The following ARFGAP3 variants were observed in gnomAD, a reference collection of about 807,000 sequenced individuals.
ARFGAP3 encodes the protein ARF GTPase activating protein 3, also known as ADP-ribosylation factor GTPase-activating protein 3.
In ARFGAP3, 72 loss-of-function variants were observed where a neutral mutation model predicts 75.0. The observed-to-expected ratio is 0.96, with a 90% CI of 0.79 to 1.17. The LOEUF (loss-of-function observed/expected upper bound fraction) is 1.17, where lower values mean the gene tolerates loss of function less well. Among genes scored for constraint, ARFGAP3 ranks in the 50% most tolerant of loss-of-function variants. ARFGAP3 has a pLI of 0.00. For missense variants in ARFGAP3, 620 were observed against 626.6 expected, an observed-to-expected ratio of 0.99 and a Z score of 0.11; for synonymous variants, 221 against 217.9, an observed-to-expected ratio of 1.01 and a Z score of -0.13.
intron 7 of ARFGAP3, among the ~76,000 whole-genome samples, chr22:42,825,170 A>G (rs113183540): frequency 0.049 from 7,396 of 152,270 alleles, 288 homozygotes; most frequent in African/African-American, 0.11. Flanking sequence ...AGGCTGAGGT[A>G]GGAGAATCTC....
rs899641878 is a variant in ARFGAP3, at chr22:42,847,597, C to T, written c.105G>A (p.Trp35Ter). 6.2e-7 allele frequency: 1 copy of T among 1,612,664 alleles called. No individual in the cohort carries two copies. The highest frequency in any genetic ancestry group is 8.5e-7 in the Non-Finnish European group (1 of 1,179,458). The part of the protein sequence containing the change: ...CFDCGAKNPS[W>*]ASITYGVFLC... ...GGAACACTCCATAGGTTATGCTTGC[C>T]CAGCTGGGATTTTTGGCACCACAAT... The change falls in exon 2 of 16, where the codon TGG (tryptophan) becomes TGA (stop). Residue 35 changes from tryptophan (W) to a stop codon, truncating the protein, a stop_gained. Coordinates refer to ENST00000263245, the MANE Select transcript of ARFGAP3 (RefSeq NM_014570.5). LOFTEE classifies it high-confidence loss of function.
intron 14 of ARFGAP3, among the ~76,000 whole-genome samples, chr22:42,805,977 C>T (rs1490314638): frequency 6.6e-6 from 1 of 152,254 alleles, no homozygotes; most frequent in Non-Finnish European, 1.5e-5. Context: ...GTCTCTATAA[C>T]ATCCCCAAAC....
At chr22:42,855,325 C>G (rs1001308527) in intron 1 of ARFGAP3, among the ~76,000 whole-genome samples, 1 of 152,228 alleles carries the variant, frequency 6.6e-6, no homozygotes, top group Non-Finnish European at 1.5e-5. Context: ...TTACACATTG[C>G]TAACCGCAGA....
chr22:42,828,556 CA>C (rs796782607), intron 6 of ARFGAP3, among the ~76,000 whole-genome samples: 101 of 137,556 alleles, frequency 7.3e-4, no homozygotes, highest in Admixed American at 1.3e-3. Context: ...AACTCTGTCT[CA>C]AAAAAAAAAA....
At chr22:42,849,564 T>C (rs1259986687) in intron 1 of ARFGAP3, among the ~76,000 whole-genome samples, 3 of 58,166 alleles carry the variant, frequency 5.2e-5, no homozygotes, top group Non-Finnish European at 1.5e-4. Flanking sequence ...TTATGGCTTT[T>C]TTTTTTTTTT....
chr22:42,805,993 C>T (rs907515104), intron 14 of ARFGAP3, among the ~76,000 whole-genome samples: 2 of 152,250 alleles, frequency 1.3e-5, no homozygotes, highest in South Asian at 2.1e-4. Context: ...CAAACCACAA[C>T]CCAGAATGTC....
At chr22:42,834,425 T>C (rs571423147) in intron 4 of ARFGAP3, 100 bp from the exon 5 acceptor site, 143 of 1,523,486 alleles carry the variant, frequency 9.4e-5, no homozygotes, top group Non-Finnish European at 1.1e-4. Flanking sequence ...TTCCTAAAGA[T>C]TGGTGCTTTC....
At chr22:42,855,506 T>C (rs1304433076) in intron 1 of ARFGAP3, among the ~76,000 whole-genome samples, 3 of 151,624 alleles carry the variant, frequency 2.0e-5, no homozygotes, top group African/African-American at 7.3e-5. Flanking sequence ...ACTGACATGG[T>C]GAAACCTCGT....
Position 42,805,320 on chromosome 22 carries a change from TA to T in ARFGAP3, c.1411+1752del, listed in dbSNP as rs556648255. ...CTCATTTGATCTCCAAATATTTTTT[TA>T]AAAAAACAAACAGTGCTTCAGAGTA... On this transcript the variant is annotated intron_variant, in intron 14 of 15. Transcript: ENST00000263245. Among the ~76,000 whole-genome samples the T allele has an allele frequency of 9.2e-5, 14 of 152,282 alleles. No individual in the cohort carries two copies. The East Asian group carries it at 2.7e-3, about 29-fold the overall frequency.
Position 42,817,191 on chromosome 22 carries a change from T to C in ARFGAP3, c.1015A>G (p.Lys339Glu). 1 of 1,613,798 alleles carries C rather than the reference T, an allele frequency of 6.2e-7. No homozygotes were observed. Among genetic ancestry groups the C allele is most frequent in the Non-Finnish European group, 8.5e-7 (1 of 1,179,836 alleles). ...TCGTCACTGTCATCATTATACTTTT[T>C]TCTTGGTTTTGCCATAATGGGTGAT... Reference protein sequence around the residue: ...QESPIMAKPRKKYNDDSDDSY... With the variant: ...QESPIMAKPREKYNDDSDDSY... The change falls in exon 11 of 16, where the codon AAA becomes GAA. Residue 339 changes from lysine to glutamate, a missense_variant. Coordinates refer to ENST00000263245, the MANE Select transcript of ARFGAP3 (RefSeq NM_014570.5).
chr22:42,823,838 G>T, intron 7 of ARFGAP3, 136 bp from the exon 8 acceptor site: 1 of 1,118,698 alleles, frequency 8.9e-7, no homozygotes, highest in Non-Finnish European at 1.2e-6. Context: ...TTCTCATCCA[G>T]AAGACTCAAG....
At position 42,827,484 on chromosome 22, in the gene ARFGAP3, G is replaced by A. The variant is rs987074051; in HGVS notation, c.566-485C>T. ...CGGGTTCAAGCCATTATCCTGCCTC[G>A]GCCACCCGAGTAGCTGGGATTACAG... On this transcript the variant is annotated intron_variant, in intron 6 of 15. Transcript: ENST00000263245. Among the ~76,000 whole-genome samples the A allele has an allele frequency of 8.6e-5, 13 of 151,998 alleles. No homozygotes were observed. The East Asian group carries it at 1.5e-3, about 18-fold the overall frequency.
At chr22:42,840,469 T>A (rs2146573655) in intron 3 of ARFGAP3, among the ~76,000 whole-genome samples, 1 of 151,512 alleles carries the variant, frequency 6.6e-6, no homozygotes, top group African/African-American at 2.4e-5. Context: ...CAGGCTGGAG[T>A]GCAGTGGTGT....
At chr22:42,802,542 C>T (rs1924916602) in intron 14 of ARFGAP3, among the ~76,000 whole-genome samples, 1 of 151,382 alleles carries the variant, frequency 6.6e-6, no homozygotes, top group Non-Finnish European at 1.5e-5. Flanking sequence ...ATCCACCCGC[C>T]TCAGCCTCCC....
intron 5 of ARFGAP3, among the ~76,000 whole-genome samples, chr22:42,833,480 G>T (rs1034572590): frequency 1.3e-5 from 2 of 152,196 alleles, no homozygotes; most frequent in Non-Finnish European, 2.9e-5. Context: ...CTGTGGTGGG[G>T]TATGGTGGCT....
intron 3 of ARFGAP3, among the ~76,000 whole-genome samples, chr22:42,839,328 G>A (rs1470830247): frequency 1.3e-5 from 2 of 151,964 alleles, no homozygotes; most frequent in Non-Finnish European, 2.9e-5. Flanking sequence ...GTCGGGTGCT[G>A]TGGCTCATGC....
chr22:42,817,985 G>GGA, intron 9 of ARFGAP3, 128 bp from the exon 10 acceptor site: 1 of 1,261,890 alleles, frequency 7.9e-7, no homozygotes, highest in South Asian at 1.9e-5. Flanking sequence ...TAACAATTAT[G>GGA]AAGGCAAGTT....
intron 2 of ARFGAP3, among the ~76,000 whole-genome samples, chr22:42,843,871 G>T (rs778997830): frequency 6.6e-6 from 1 of 152,180 alleles, no homozygotes; most frequent in Non-Finnish European, 1.5e-5. Context: ...GTTCAATCTG[G>T]TCCACTCTGG....
At chr22:42,812,990 C>T (rs1056377135) in intron 11 of ARFGAP3, among the ~76,000 whole-genome samples, 2 of 152,202 alleles carry the variant, frequency 1.3e-5, no homozygotes, top group African/African-American at 2.4e-5. Context: ...CTGAAGGAAC[C>T]GGAAGTTACA....
Sources: gnomAD v4.1 joint callset for allele counts (sites outside exome capture counted in the v4.1 genomes callset) on GRCh38, gnomAD v4.1.1 for gene constraint, MANE v1.5 for transcripts, NCBI Gene and HGNC (gene_info 2026-07-23, HGNC 2026-07-21) for gene names.